The following CERS1 variants were observed in gnomAD, a reference collection of about 807,000 sequenced individuals.
CERS1 encodes ceramide synthase 1.
CERS1 carries 16 observed loss-of-function variants against 35.7 expected under a neutral mutation model. The ratio of observed to expected loss-of-function variants is 0.45; its 90% CI spans 0.30 to 0.68. The LOEUF (loss-of-function observed/expected upper bound fraction) is 0.68. Ranked by LOEUF, CERS1 falls within the 30% of genes least tolerant of loss-of-function variation. The pLI, the probability that CERS1 is intolerant of heterozygous loss-of-function variation, is 0.08. For synonymous variants in CERS1, 243 were observed against 201.6 expected (o/e 1.21, Z -1.74); for missense variants, 454 against 453.9 (o/e 1.00, Z 0.00).
chr19:18,896,121 C>G lies in CERS1; in HGVS notation c.-49G>C. Reference sequence around the variant, plus strand: ...CGTCGCCTGCGCCCGCCCGCGGTAGCCGACGGAGCCGCGCGCCCCGCGTCA... The same window carrying G: ...CGTCGCCTGCGCCCGCCCGCGGTAGGCGACGGAGCCGCGCGCCCCGCGTCA... On this transcript the variant is annotated 5_prime_UTR_variant, in exon 1 of 8. Coordinates refer to ENST00000623882, the MANE Select transcript of CERS1 (RefSeq NM_021267.5). This position sits in a 1 kb window ranked among gnomAD's most constrained non-coding sequence, Gnocchi z 5.9. 1 of 740,058 alleles carries G rather than the reference C, an allele frequency of 1.4e-6. No homozygotes were observed. The highest frequency in any genetic ancestry group is 1.6e-6 in the Non-Finnish European group (1 of 608,838). 45.8% of individuals were successfully genotyped at this position (740,058 alleles called of 1,614,324 possible). A position where few individuals can be genotyped will look rare whatever the true frequency, so the allele number is the denominator to read the frequency against.
intron 3 of CERS1, 123 bp downstream of exon 3, chr19:18,883,941 CCCCTGAGCACTCTGACCTTGGAA>C (rs2056280528): frequency 2.5e-6 from 2 of 798,010 alleles, no homozygotes; most frequent in Non-Finnish European, 3.8e-6. Context: ...CCTCGTCGGA[CCCCTGAGCACTCTGACCTTGGAA>C]CCCTGAGCAC....
intron 7 of CERS1, 88 bp from the exon 8 acceptor site, chr19:18,869,478 G>A: frequency 1.4e-6 from 2 of 1,470,458 alleles, no homozygotes; most frequent in South Asian, 1.3e-5. Context: ...GAAGGTGAAC[G>A]CTGGGGCTCG....
At chr19:18,891,805 A>G (rs1014344328) in intron 2 of CERS1, among the ~76,000 whole-genome samples, 1 of 151,746 alleles carries the variant, frequency 6.6e-6, no homozygotes, top group Non-Finnish European at 1.5e-5. Context: ...TCCTGTGCTC[A>G]AGTAATCCTC....
In CERS1 at chr19:18,884,285, TCA is replaced by T. The variant is rs753725560; in HGVS notation, c.410-20_410-19del. On this transcript the variant is annotated intron_variant, in intron 2 of 7. Transcript: ENST00000623882. ...CGTCCAGTCTGGGGAGAGCCAAATC[TCA>T]CAGTCAGGGCCCTGCGAAGCCTCTA... 104 of 1,603,392 alleles carry T rather than the reference TCA, an allele frequency of 6.5e-5. No individual in the cohort carries two copies. The South Asian group carries it at 1.1e-3, about 17-fold the overall frequency.
At chr19:18,896,193 G>A (rs1186832801), upstream of CERS1, 2 of 235,884 alleles carry the variant, frequency 8.5e-6, no homozygotes, top group East Asian at 1.8e-4. This position sits in a 1 kb window ranked among gnomAD's most constrained non-coding sequence, Gnocchi z 5.9. Flanking sequence ...AGCGGAGGGC[G>A]GAGGGGCGGG....
In CERS1 at chr19:18,878,646, A is replaced by T. The variant is rs4808164; in HGVS notation, c.1010+284T>A. On this transcript the variant is annotated intron_variant, in intron 6 of 7. Coordinates refer to ENST00000623882, the MANE Select transcript of CERS1 (RefSeq NM_021267.5). The surrounding 1 kb of genome is among the most constrained non-coding windows in gnomAD (Gnocchi z 4.6). The stretch of plus-strand genomic sequence containing the variant: ...GGCCCTGGCTCGCCACTCCCGCCAC[A>T]CCAGCCACTAGGCCTGGCCCTCAGT... 1 of 1,226,544 alleles carries T rather than the reference A, an allele frequency of 8.2e-7. No homozygotes were observed. Among genetic ancestry groups the T allele is most frequent in the Non-Finnish European group, 1.0e-6 (1 of 973,650 alleles). 76.0% of individuals were successfully genotyped at this position (1,226,544 alleles called of 1,614,324 possible).
At chr19:18,880,169 T>A in intron 4 of CERS1, 105 bp downstream of exon 4, 136 of 987,476 alleles carry the variant, frequency 1.4e-4, no homozygotes, top group Admixed American at 2.5e-4. Flanking sequence ...CACACCCACC[T>A]CACCGGGCCC....
chr19:18,887,724 G>T (rs1169148549), intron 2 of CERS1, among the ~76,000 whole-genome samples: 1 of 143,450 alleles, frequency 7.0e-6, no homozygotes, highest in Non-Finnish European at 1.5e-5. Context: ...AGCCTGGGCA[G>T]CAAGAGTGAA....
intron 2 of CERS1, among the ~76,000 whole-genome samples, chr19:18,892,001 C>T (rs2056503054): frequency 6.6e-6 from 1 of 151,714 alleles, no homozygotes; most frequent in East Asian, 2.0e-4. Flanking sequence ...TCAAGTGATT[C>T]TCCTGACTCA....
chr19:18,878,911 C>T lies in CERS1; in HGVS notation c.1010+19G>A, dbSNP rs776038644. 2.5e-5 allele frequency: 40 copies of T among 1,611,698 alleles called. 1 individual carries two copies. In the Middle Eastern group the frequency reaches 9.9e-4, roughly 40 times the overall value. On this transcript the variant is annotated intron_variant, in intron 6 of 7. Transcript: ENST00000623882. This position sits in a 1 kb window ranked among gnomAD's most constrained non-coding sequence, Gnocchi z 4.6. ...ACACTAAAGGAGGGAACGCGGGGTG[C>T]GGGCCCCTCCACACTCACTCGGCTT...
chr19:18,880,410 G>T lies in CERS1; in HGVS notation c.616C>A (p.Leu206Ile). ...FRYHNVGILV[L>I]FLHDISDVQL... ...ACGTCACTGATATCGTGCAGGAAGA[G>T]CACAAGGATGCCCACATTGTGGTAC... Residue 206 changes from leucine (L) to isoleucine (I), a missense_variant, in exon 4 of 8, where the codon CTC (leucine) becomes ATC (isoleucine). By Grantham distance (5) the Leu-to-Ile change is conservative. Coordinates refer to ENST00000623882, the MANE Select transcript of CERS1 (RefSeq NM_021267.5). The T allele has an allele frequency of 6.3e-7, 1 of 1,590,870 alleles. No homozygotes were observed. Among genetic ancestry groups the T allele is most frequent in the Non-Finnish European group, 8.6e-7 (1 of 1,168,486 alleles).
At position 18,878,994 on chromosome 19, in the gene CERS1, C is replaced by T. The variant is rs774607554; in HGVS notation, c.946G>A (p.Glu316Lys). 5.0e-6 allele frequency: 8 copies of T among 1,613,818 alleles called. No individual in the cohort carries two copies. In the East Asian group the frequency reaches 8.9e-5, roughly 18 times the overall value. ...AAKVLTGQVHELKDLREYDTA... is the reference protein window; with the variant it reads ...AAKVLTGQVHKLKDLREYDTA... ...TCATACTCCCGCAGGTCCTTCAGCT[C>T]GTGCACCTGGCCTGTCAACACCTTG... Residue 316 changes from glutamate to lysine, a missense_variant, in exon 6 of 8, where the codon GAG (glutamate) becomes AAG (lysine). By Grantham distance (56) the Glu-to-Lys change is moderately conservative. Transcript: ENST00000623882. This position sits in a 1 kb window ranked among gnomAD's most constrained non-coding sequence, Gnocchi z 4.6.
intron 3 of CERS1, among the ~76,000 whole-genome samples, chr19:18,881,042 A>T (rs749149434): frequency 1.1e-4 from 17 of 150,304 alleles, no homozygotes; most frequent in Admixed American, 3.3e-4. Flanking sequence ...GTGACCTCTG[A>T]CCCTCTATGA....
At position 18,878,303 on chromosome 19, in the gene CERS1, C is replaced by T; in HGVS notation, c.1010+627G>A. On this transcript the variant is annotated intron_variant, in intron 6 of 7. Transcript: ENST00000623882. This position sits in a 1 kb window ranked among gnomAD's most constrained non-coding sequence, Gnocchi z 4.6. ...TCATCCCTGGCCCAGACACCCCCTGCCTGCCCCAGGCCTGGGGCTTCGGAC... is the reference window on the plus strand; with the variant it reads ...TCATCCCTGGCCCAGACACCCCCTGTCTGCCCCAGGCCTGGGGCTTCGGAC... 1.0e-6 allele frequency: 1 copy of T among 986,118 alleles called. No individual in the cohort carries two copies. Among genetic ancestry groups the T allele is most frequent in the Non-Finnish European group, 1.2e-6 (1 of 830,548 alleles). The allele number at this position is 986,118 out of a possible 1,614,324, so 61.1% of individuals were successfully genotyped here.
intron 2 of CERS1, 82 bp downstream of exon 2, chr19:18,893,334 C>T: frequency 6.9e-7 from 1 of 1,448,190 alleles, no homozygotes; most frequent in East Asian, 2.5e-5. Flanking sequence ...CCTGCTTCTG[C>T]CTCATGAGTA....
At position 18,870,786 on chromosome 19, in the gene CERS1, C is replaced by T. The variant is rs922217779; in HGVS notation, c.1011-167G>A. 6.6e-6 allele frequency among the ~76,000 whole-genome samples: 1 copy of T among 152,128 alleles called. No individual in the cohort carries two copies. Among genetic ancestry groups the T allele is most frequent in the Non-Finnish European group, 1.5e-5 (1 of 67,996 alleles). On this transcript the variant is annotated intron_variant, in intron 6 of 7. Coordinates refer to ENST00000623882, the MANE Select transcript of CERS1 (RefSeq NM_021267.5). The surrounding 1 kb of genome is among the most constrained non-coding windows in gnomAD (Gnocchi z 5.1). The stretch of plus-strand genomic sequence containing the variant: ...TCGCCTTCACCCTGCCCCTCCTTGC[C>T]TTCACCCTGCCCCTCCTTCAACCTG...
chr19:18,868,852 C>G lies in CERS1; in HGVS notation c.*1133G>C. ...GGCAGTAGTTGGCCAGGAAGCCGCG[C>G]GGCGCGATGACCCAGCGGTGCCAGC... On this transcript the variant is annotated 3_prime_UTR_variant, in exon 8 of 8. Transcript: ENST00000623882. The G allele has an allele frequency of 6.9e-7, 1 of 1,446,796 alleles. No individual in the cohort carries two copies. Among genetic ancestry groups the G allele is most frequent in the Non-Finnish European group, 9.2e-7 (1 of 1,092,020 alleles). 89.6% of individuals were successfully genotyped at this position (1,446,796 alleles called of 1,614,324 possible).
At position 18,868,782 on chromosome 19, in the gene CERS1, G is replaced by GC. The variant is rs1213194580; in HGVS notation, c.*1202dup. The GC allele has an allele frequency of 1.6e-5, 24 of 1,464,338 alleles. No individual in the cohort carries two copies. The highest frequency in any genetic ancestry group is 2.1e-4 in the Middle Eastern group (1 of 4,870). 90.7% of individuals were successfully genotyped at this position (1,464,338 alleles called of 1,614,324 possible). A position where few individuals can be genotyped will look rare whatever the true frequency, so the allele number is the denominator to read the frequency against. The stretch of plus-strand genomic sequence containing the variant: ...AGCACAGCGTGGTTGAGCGCCGGCG[G>GC]CCCCCCGGACCCCGACAGCGCGACG... On this transcript the variant is annotated 3_prime_UTR_variant, in exon 8 of 8. Coordinates refer to ENST00000623882, the MANE Select transcript of CERS1 (RefSeq NM_021267.5).
At chr19:18,872,090 C>CTT (rs959540790) in intron 6 of CERS1, among the ~76,000 whole-genome samples, 2 of 152,194 alleles carry the variant, frequency 1.3e-5, no homozygotes, top group Admixed American at 1.3e-4. Flanking sequence ...GTTTTAAGGT[C>CTT]TTAGGTTAGT....
Sources: allele counts gnomAD v4.1 joint callset (sites outside exome capture counted in the v4.1 genomes callset), GRCh38; gene constraint gnomAD v4.1.1; non-coding constraint Gnocchi (gnomAD v3.1); transcripts MANE v1.5; gene names NCBI Gene and HGNC (gene_info 2026-07-23, HGNC 2026-07-21).